The following FAAH2 variants were observed in gnomAD, a reference collection of about 807,000 sequenced individuals.
FAAH2 encodes the protein fatty-acid amide hydrolase 2.
A neutral mutation model predicts 36.9 loss-of-function variants in FAAH2; 60 were observed. The observed-to-expected ratio is 1.63, with a 90% CI of 1.32 to 2.02. The LOEUF (loss-of-function observed/expected upper bound fraction) is 2.02. FAAH2 is among the 30% of genes most tolerant of loss of function. FAAH2 has a pLI of 0.00. For synonymous variants in FAAH2, 214 were observed against 143.8 expected (o/e 1.49, Z -3.49); for missense variants, 689 against 397.5 (o/e 1.73, Z -6.23).
At chrX:57,282,354 ACTTGTATGT>A (rs1411066907), upstream of FAAH2, among the ~76,000 whole-genome samples, 1 of 111,053 alleles carries the variant, frequency 9.0e-6, no homozygotes, top group Non-Finnish European at 1.9e-5. Flanking sequence ...TTTTTTGGCC[ACTTGTATGT>A]CTTCTTTTCA....
At chrX:57,383,623 G>A (rs369125610) in intron 7 of FAAH2, among the ~76,000 whole-genome samples, 1 of 111,781 alleles carries the variant, frequency 8.9e-6, no homozygotes, top group Admixed American at 9.5e-5. Context: ...CAAGGGATGT[G>A]AAGGACCTCT....
chrX:57,324,284 G>C (rs936854925), intron 3 of FAAH2, among the ~76,000 whole-genome samples: 1 of 111,934 alleles, frequency 8.9e-6, no homozygotes, highest in African/African-American at 3.2e-5. Context: ...GATGCCTCCA[G>C]CTTTGTTCTT....
chrX:57,162,350 C>G, the FAAH2 span, among the ~76,000 whole-genome samples: 3 of 111,132 alleles, frequency 2.7e-5, no homozygotes, highest in African/African-American at 9.8e-5. Flanking sequence ...TGGAGTTGCT[C>G]TTCTCGAGGA....
At chrX:57,391,979 G>A (rs1172157681) in intron 7 of FAAH2, among the ~76,000 whole-genome samples, 2 of 110,389 alleles carry the variant, frequency 1.8e-5, no homozygotes, top group African/African-American at 6.6e-5. Context: ...TGGCATCTAT[G>A]ATTTATTATA....
intron 3 of FAAH2, among the ~76,000 whole-genome samples, chrX:57,316,364 T>C (rs1459079866): frequency 1.8e-5 from 2 of 111,751 alleles, no homozygotes; most frequent in Admixed American, 1.9e-4. Flanking sequence ...TTTCAAAGAA[T>C]TGGAAAAAAC....
intron 7 of FAAH2, among the ~76,000 whole-genome samples, chrX:57,416,320 A>T (rs1389948266): frequency 9.0e-6 from 1 of 111,112 alleles, no homozygotes; most frequent in Non-Finnish European, 1.9e-5. Flanking sequence ...TCTTCATAGT[A>T]TTGATGGTCT....
the FAAH2 span, among the ~76,000 whole-genome samples, chrX:57,188,189 C>T: frequency 9.0e-6 from 1 of 110,997 alleles, no homozygotes; most frequent in African/African-American, 3.3e-5. Context: ...TCTGTCTGGT[C>T]CTGGGCATTT....
the FAAH2 span, chrX:57,137,082 C>T: frequency 6.3e-6 from 5 of 788,892 alleles, no homozygotes; most frequent in African/African-American, 9.1e-5. Flanking sequence ...TTCCTACCCC[C>T]TTTCCCTGTC....
intron 7 of FAAH2, among the ~76,000 whole-genome samples, chrX:57,392,318 G>A (rs1210408528): frequency 9.0e-6 from 1 of 111,553 alleles, no homozygotes; most frequent in African/African-American, 3.3e-5. Flanking sequence ...GTACTATGTT[G>A]AATAGGAGTG....
intron 7 of FAAH2, chrX:57,381,479 A>T (rs907525246): frequency 3.4e-6 from 2 of 584,181 alleles, no homozygotes; most frequent in Non-Finnish European, 2.1e-6. Flanking sequence ...AAGAAGAATA[A>T]TAAGGGGAAC....
chrX:57,138,030 C>T, the FAAH2 span, among the ~76,000 whole-genome samples: 3 of 111,817 alleles, frequency 2.7e-5, no homozygotes, highest in Non-Finnish European at 3.8e-5. Context: ...TACACACTCA[C>T]GAATACATAC....
intron 7 of FAAH2, among the ~76,000 whole-genome samples, chrX:57,382,300 G>A (rs2054874235): frequency 9.0e-6 from 1 of 111,440 alleles, no homozygotes; most frequent in Admixed American, 9.5e-5. Flanking sequence ...TCAAAAGCTA[G>A]CAGAAGGCAA....
intron 7 of FAAH2, chrX:57,392,554 G>T: frequency 2.5e-6 from 2 of 804,188 alleles, no homozygotes; most frequent in Non-Finnish European, 3.7e-6. Context: ...CTGACTCTTG[G>T]CTGCCTTATA....
chrX:57,223,750 G>T, the FAAH2 span, among the ~76,000 whole-genome samples: 2 of 111,823 alleles, frequency 1.8e-5, no homozygotes, highest in African/African-American at 3.3e-5. Context: ...ACTTCAGAAG[G>T]TATAAATGTC....
the FAAH2 span, among the ~76,000 whole-genome samples, chrX:57,157,027 T>A: frequency 8.9e-6 from 1 of 112,493 alleles, no homozygotes; most frequent in Non-Finnish European, 1.9e-5. Context: ...AGGGTGGGTT[T>A]AATAATGATG....
intron 4 of FAAH2, among the ~76,000 whole-genome samples, chrX:57,334,266 T>TCACACACA (rs1491098492): frequency 0.049 from 401 of 8,143 alleles, 1 homozygote; most frequent in African/African-American, 0.054. Context: ...GGAGATTCCG[T>TCACACACA]CTCACACACA....
chrX:57,264,504 C>A, the FAAH2 span, among the ~76,000 whole-genome samples: 1 of 112,315 alleles, frequency 8.9e-6, no homozygotes, highest in African/African-American at 3.2e-5. Flanking sequence ...ATCAGTCAAA[C>A]TGGCTATAAT....
chrX:57,218,000 G>A, the FAAH2 span, among the ~76,000 whole-genome samples: 20 of 111,070 alleles, frequency 1.8e-4, no homozygotes, highest in African/African-American at 6.2e-4. Flanking sequence ...TCTCCACTTG[G>A]TCACTGTTGG....
intron 7 of FAAH2, among the ~76,000 whole-genome samples, chrX:57,413,007 G>A (rs925622294): frequency 2.7e-5 from 3 of 112,042 alleles, no homozygotes; most frequent in African/African-American, 6.5e-5. Flanking sequence ...TATGTTTGTT[G>A]GCTGCATAAA....
Sources: allele counts gnomAD v4.1 joint callset (sites outside exome capture counted in the v4.1 genomes callset), GRCh38; gene constraint gnomAD v4.1.1; transcripts MANE v1.5; gene names NCBI Gene and HGNC (gene_info 2026-07-23, HGNC 2026-07-21).